MED23: variants seen among roughly 807,000 people sequenced by gnomAD.
MED23 encodes mediator complex subunit 23, also known as mediator of RNA polymerase II transcription subunit 23.
MED23 carries 105 observed loss-of-function variants against 163.9 expected under a neutral mutation model. The observed-to-expected ratio is 0.64, with a 90% CI of 0.55 to 0.75. MED23 has a LOEUF of 0.75. Among genes scored for constraint, MED23 ranks in the 30% least tolerant of loss-of-function variants. The pLI is 0.00. For missense variants in MED23, 1,054 were observed against 1,649.0 expected, an observed-to-expected ratio of 0.64 and a Z score of 6.25; for synonymous variants, 561 against 565.6, an observed-to-expected ratio of 0.99 and a Z score of 0.12.
chr6:131,625,120 T>C (rs1310032078), intron 3 of MED23, 131 bp from the exon 4 acceptor site: 12 of 1,085,056 alleles, frequency 1.1e-5, no homozygotes, highest in Non-Finnish European at 1.5e-5. Context: ...TGGATGAAAA[T>C]AATTTTTAAA....
Position 131,628,216 on chromosome 6 carries a change from C to A in MED23, c.-167G>T, listed in dbSNP as rs1777666975. ...CTGGAGCGTTCCCTCCCGAGCCCAG[C>A]CAACAGCAGGAACCTGTACGGAAGA... On this transcript the variant is annotated 5_prime_UTR_variant, in exon 1 of 29. Coordinates refer to ENST00000368068, the MANE Select transcript of MED23 (RefSeq NM_004830.4). 2.7e-6 allele frequency: 2 copies of A among 750,462 alleles called. No homozygotes were observed. The highest frequency in any genetic ancestry group is 1.7e-5 in the African/African-American group (1 of 58,138). 46.5% of individuals were successfully genotyped at this position (750,462 alleles called of 1,614,324 possible). A position where few individuals can be genotyped will look rare whatever the true frequency, so the allele number is the denominator to read the frequency against.
intron 11 of MED23, among the ~76,000 whole-genome samples, chr6:131,609,310 T>C (rs1249534502): frequency 6.6e-6 from 1 of 152,138 alleles, no homozygotes; most frequent in Non-Finnish European, 1.5e-5. Context: ...TTTCCTGCCT[T>C]CCTTATCTCA....
intron 30 of MED23, chr6:131,579,403 A>G (rs1562357136): frequency 5.6e-6 from 7 of 1,245,620 alleles, no homozygotes; most frequent in East Asian, 2.6e-5. Flanking sequence ...TTTATATCAA[A>G]TTTTCTGCCT....
rs1775271402 is a variant in MED23 at position 131,598,983 on chromosome 6, A to C, written c.2221-222T>G. ...CCTAGATTTCCTAAATGGAAATTCTAAGTAAGCCTGAATTCAAAGCTTCTT... is the reference window on the plus strand; with the variant it reads ...CCTAGATTTCCTAAATGGAAATTCTCAGTAAGCCTGAATTCAAAGCTTCTT... On this transcript the variant is annotated intron_variant, in intron 18 of 28. Transcript: ENST00000368068. This position sits in a 1 kb window ranked among gnomAD's most constrained non-coding sequence, Gnocchi z 4.7. Among the ~76,000 whole-genome samples the C allele has an allele frequency of 1.3e-5, 2 of 152,236 alleles. No individual in the cohort carries two copies. The highest frequency in any genetic ancestry group is 2.9e-5 in the Non-Finnish European group (2 of 68,042).
In MED23 at chr6:131,594,165, G is replaced by T. The variant is rs556616129; in HGVS notation, c.3166C>A (p.Arg1056=). The change falls in exon 23 of 29, where the codon CGA becomes AGA. Residue 1056 remains arginine, a synonymous_variant. Coordinates refer to ENST00000368068, the MANE Select transcript of MED23 (RefSeq NM_004830.4). ...DTYLKCAMNA[R]EENPWVPDDT... ...TCTGGAACCCAAGGATTTTCCTCTC[G>T]TGCATTCATAGCGCATTTCAGGTAA... 1 of 1,614,046 alleles carries T rather than the reference G, an allele frequency of 6.2e-7. No homozygotes were observed. Among genetic ancestry groups the T allele is most frequent in the Non-Finnish European group, 8.5e-7 (1 of 1,180,006 alleles).
rs1449695148 is a variant in MED23 at position 131,594,146 on chromosome 6, A to C, written c.3185T>G (p.Val1062Gly). The change falls in exon 23 of 29, where the codon GTT becomes GGT. Residue 1062 changes from valine to glycine, a missense_variant. This residue lies in a region of MED23 where 362 missense variants were observed against 471.6 expected (regional missense o/e 0.77). Coordinates refer to ENST00000368068, the MANE Select transcript of MED23 (RefSeq NM_004830.4). ...AMNAREENPW[V>G]PDDTYYCRLI... ...TCTGCAATAGTAGGTGTCATCTGGA[A>C]CCCAAGGATTTTCCTCTCGTGCATT... The C allele has an allele frequency of 1.9e-6, 3 of 1,614,170 alleles. No individual in the cohort carries two copies. The highest frequency in any genetic ancestry group is 2.5e-6 in the Non-Finnish European group (3 of 1,180,018).
rs762490497 is a variant in MED23 at position 131,587,685 on chromosome 6, A to T, written c.4101T>A (p.Thr1367=). The T allele has an allele frequency of 1.2e-6, 2 of 1,614,054 alleles. No homozygotes were observed. Among genetic ancestry groups the T allele is most frequent in the East Asian group, 4.5e-5 (2 of 44,872 alleles). ...TCCACAGTACAGTCTGGCTTCACTGAGTTACTGGTAAAGACACGGGCACCT... is the reference window on the plus strand; with the variant it reads ...TCCACAGTACAGTCTGGCTTCACTGTGTTACTGGTAAAGACACGGGCACCT... The part of the protein sequence containing the change: ...SNQVPVSLPV[T]Q The change falls in exon 29 of 29, where the codon ACT becomes ACA. Residue 1367 remains threonine (T), a synonymous_variant. Coordinates refer to ENST00000368068, the MANE Select transcript of MED23 (RefSeq NM_004830.4).
chr6:131,600,004 T>C (rs374569640), intron 18 of MED23, 34 bp downstream of exon 18: 7 of 1,612,342 alleles, frequency 4.3e-6, no homozygotes, highest in African/African-American at 1.3e-5. Flanking sequence ...AAGGATTTCA[T>C]GTGCATTCAA....
chr6:131,615,905 A>G lies in MED23; in HGVS notation c.876+2T>C. 1 of 1,606,124 alleles carries G rather than the reference A, an allele frequency of 6.2e-7. No homozygotes were observed. Among genetic ancestry groups the G allele is most frequent in the Non-Finnish European group, 8.5e-7 (1 of 1,172,906 alleles). Reference sequence around the variant, plus strand: ...TACTAGGTTTCCAGCATAGTACAGTACCTGCTTATTTAAACCTAGCATATT... The same window carrying G: ...TACTAGGTTTCCAGCATAGTACAGTGCCTGCTTATTTAAACCTAGCATATT... On this transcript the variant is annotated splice_donor_variant, in intron 10 of 28. Coordinates refer to ENST00000368068, the MANE Select transcript of MED23 (RefSeq NM_004830.4). LOFTEE classifies it high-confidence loss of function.
At position 131,600,030 on chromosome 6, in the gene MED23, C is replaced by G. The variant is rs755731826; in HGVS notation, c.2220+8G>C. On this transcript the variant is annotated splice_region_variant and intron_variant, in intron 18 of 28. Coordinates refer to ENST00000368068, the MANE Select transcript of MED23 (RefSeq NM_004830.4). ...GTGCATTCAATAAGTAATTCAAGACCAAATTACCTGTAGTGGGCCTGGAAA... is the reference window on the plus strand; with the variant it reads ...GTGCATTCAATAAGTAATTCAAGACGAAATTACCTGTAGTGGGCCTGGAAA... 3.7e-5 allele frequency: 59 copies of G among 1,613,798 alleles called. 1 individual carries two copies. Among genetic ancestry groups the G allele is most frequent in the Non-Finnish European group, 3.4e-6 (4 of 1,179,878 alleles).
At chr6:131,604,153 T>C (rs2114664230) in intron 15 of MED23, 25 bp downstream of exon 15, 1 of 1,599,646 alleles carries the variant, frequency 6.3e-7, no homozygotes, top group Admixed American at 1.7e-5. Flanking sequence ...TTAATAGTTA[T>C]AAACACCAGA....
chr6:131,587,409 G>C lies in MED23; in HGVS notation c.*270C>G. On this transcript the variant is annotated 3_prime_UTR_variant, in exon 29 of 29. Transcript: ENST00000368068. ...GCCAATGACAAGTCATTTGATCACAGATACCTCTATGTTCCTACATAGCTC... is the reference window on the plus strand; with the variant it reads ...GCCAATGACAAGTCATTTGATCACACATACCTCTATGTTCCTACATAGCTC... The C allele has an allele frequency of 1.6e-6, 2 of 1,252,866 alleles. No individual in the cohort carries two copies. The highest frequency in any genetic ancestry group is 2.0e-6 in the Non-Finnish European group (2 of 994,794). The allele number at this position is 1,252,866 out of a possible 1,614,324, so 77.6% of individuals were successfully genotyped here. A position where few individuals can be genotyped will look rare whatever the true frequency, so the allele number is the denominator to read the frequency against.
chr6:131,577,109 C>T (rs1773653596), intron 30 of MED23, among the ~76,000 whole-genome samples: 1 of 152,146 alleles, frequency 6.6e-6, no homozygotes, highest in Non-Finnish European at 1.5e-5. Context: ...TAAAATAAAA[C>T]AGTAATAATG....
At chr6:131,592,350 A>G (rs745726367) in intron 25 of MED23, 38 bp downstream of exon 25, 15 of 1,576,748 alleles carry the variant, frequency 9.5e-6, no homozygotes, top group Non-Finnish European at 1.3e-5. Context: ...AGCTGGCTGT[A>G]TTTCATCACT....
At chr6:131,618,835 A>T (rs1585557836) in intron 8 of MED23, among the ~76,000 whole-genome samples, 1 of 152,212 alleles carries the variant, frequency 6.6e-6, no homozygotes, top group East Asian at 1.9e-4. Flanking sequence ...TTGGAACACC[A>T]CTGCTTTTGC....
downstream of MED23, chr6:131,582,592 A>AT: frequency 6.4e-7 from 1 of 1,566,690 alleles, no homozygotes; most frequent in Non-Finnish European, 8.8e-7. Context: ...AGAATCATAC[A>AT]TAACCAAGTG....
At chr6:131,589,697 T>C (rs1585449212) in intron 27 of MED23, 101 bp from the exon 28 acceptor site, 6 of 1,065,768 alleles carry the variant, frequency 5.6e-6, no homozygotes, top group African/African-American at 3.2e-5. Context: ...CGGGGGATAC[T>C]GTCTTTGCTG....
At chr6:131,610,576 T>G (rs1029136060) in intron 10 of MED23, among the ~76,000 whole-genome samples, 1 of 152,178 alleles carries the variant, frequency 6.6e-6, no homozygotes, top group African/African-American at 2.4e-5. Context: ...AGATAACATT[T>G]TAAAGGGCAT....
At chr6:131,600,216 C>A in intron 17 of MED23, 54 bp from the exon 18 acceptor site, 1 of 1,492,508 alleles carries the variant, frequency 6.7e-7, no homozygotes, top group South Asian at 1.1e-5. Flanking sequence ...ATCCACAATT[C>A]ATAAAAGATT....
Sources: allele counts gnomAD v4.1 joint callset (sites outside exome capture counted in the v4.1 genomes callset), GRCh38; gene constraint gnomAD v4.1.1; regional missense constraint gnomAD v4.1.1; non-coding constraint Gnocchi (gnomAD v3.1); transcripts MANE v1.5; gene names NCBI Gene and HGNC (gene_info 2026-07-23, HGNC 2026-07-21).